KALRN: variants seen among roughly 807,000 people sequenced by gnomAD.
KALRN encodes the protein kalirin RhoGEF kinase.
Under a neutral mutation model 353.7 loss-of-function variants are expected in KALRN, and 70 were observed. The ratio of observed to expected loss-of-function variants is 0.20; its 90% CI spans 0.16 to 0.24. The LOEUF is 0.24. KALRN is among the 10% of genes least tolerant of loss of function. KALRN has a pLI of 1.00. For synonymous variants in KALRN, 1,391 were observed against 1,434.8 expected (o/e 0.97, Z 0.69); for missense variants, 2,791 against 3,756.7 (o/e 0.74, Z 6.72).
chr3:124,562,986 C>T lies in KALRN; in HGVS notation c.5079C>T (p.Thr1693=), dbSNP rs779618251. ...ERPGWCLVRT[T]ERSPPLEGLV... is the part of the protein sequence containing the mutation. ...CTGGTTGGTGTCTGGTCCGTACCAC[C>T]GAACGGAGCCCGCCCTTGGAGGGTC... The change falls in exon 34 of 60, where the codon ACC becomes ACT. Residue 1693 remains threonine (T), a synonymous_variant. Transcript: ENST00000682506. The T allele has an allele frequency of 3.9e-5, 53 of 1,367,788 alleles. No homozygotes were observed. Among genetic ancestry groups the T allele is most frequent in the East Asian group, 9.1e-5 (2 of 21,996 alleles). The allele number at this position is 1,367,788 out of a possible 1,614,324, so 84.7% of individuals were successfully genotyped here.
intron 3 of KALRN, among the ~76,000 whole-genome samples, chr3:124,242,398 A>C (rs2080576213): frequency 1.3e-5 from 2 of 152,238 alleles, no homozygotes; most frequent in South Asian, 4.1e-4. Context: ...CACAGTCAGT[A>C]TGATCTGGAG....
At chr3:124,226,504 A>G (rs2078521633) in intron 1 of KALRN, among the ~76,000 whole-genome samples, 1 of 152,216 alleles carries the variant, frequency 6.6e-6, no homozygotes, top group African/African-American at 2.4e-5. Context: ...AAAGACTTGC[A>G]GTCTTCATTT....
chr3:124,517,399 C>A (rs985113048), intron 33 of KALRN, among the ~76,000 whole-genome samples: 1 of 152,110 alleles, frequency 6.6e-6, no homozygotes, highest in Non-Finnish European at 1.5e-5. Context: ...CATTTCCATG[C>A]GGCAAGTGTG....
In KALRN at chr3:124,724,196, A is replaced by T. The variant is rs2063391905; in HGVS notation, c.*4726A>T. 6.6e-6 allele frequency: 1 copy of T among 152,180 alleles called. No homozygotes were observed. Among genetic ancestry groups the T allele is most frequent in the Non-Finnish European group, 1.5e-5 (1 of 68,024 alleles). The allele number at this position is 152,180 out of a possible 1,614,324, so 9.4% of individuals were successfully genotyped here. A position where few individuals can be genotyped will look rare whatever the true frequency, so the allele number is the denominator to read the frequency against. ...ATATGAGGGAGCAAATATGATATAA[A>T]CTAAATTTTGCATTAACTAAAACTT... On this transcript the variant is annotated 3_prime_UTR_variant, in exon 60 of 60. Coordinates refer to ENST00000682506, the MANE Select transcript of KALRN (RefSeq NM_001388419.1).
chr3:124,442,836 T>C (rs1685515100), intron 19 of KALRN, among the ~76,000 whole-genome samples: 1 of 151,934 alleles, frequency 6.6e-6, no homozygotes, highest in African/African-American at 2.4e-5. Context: ...AATTAAAAAA[T>C]TAGCCTGGTA....
At chr3:124,346,795 C>A (rs1325138309) in intron 9 of KALRN, among the ~76,000 whole-genome samples, 2 of 152,142 alleles carry the variant, frequency 1.3e-5, no homozygotes, top group Non-Finnish European at 2.9e-5. Flanking sequence ...TAATTTCCTG[C>A]CAATATCTTT....
intron 1 of KALRN, among the ~76,000 whole-genome samples, chr3:124,186,368 A>G (rs575885006): frequency 6.6e-6 from 1 of 152,336 alleles, no homozygotes; most frequent in South Asian, 2.1e-4. Flanking sequence ...GTTCCTCAGC[A>G]TTCCCAAATG....
At chr3:124,571,163 G>T (rs2073471831) in intron 34 of KALRN, among the ~76,000 whole-genome samples, 1 of 152,144 alleles carries the variant, frequency 6.6e-6, no homozygotes, top group Non-Finnish European at 1.5e-5. Flanking sequence ...AATACAATTT[G>T]CAGATAAAAT....
intron 5 of KALRN, among the ~76,000 whole-genome samples, chr3:124,287,819 ATAT>A (rs2076073087): frequency 2.2e-5 from 1 of 44,694 alleles, no homozygotes; most frequent in Admixed American, 2.2e-4. Flanking sequence ...ATATATATAT[ATAT>A]ATATGTATAT....
chr3:124,627,802 G>A (rs565102972), intron 34 of KALRN, among the ~76,000 whole-genome samples: 60 of 152,220 alleles, frequency 3.9e-4, no homozygotes, highest in African/African-American at 1.3e-3. Context: ...ACACACCCAA[G>A]ACCACAGCCA....
chr3:124,065,197 A>G (rs997597421), intron 1 of KALRN, among the ~76,000 whole-genome samples: 11 of 152,204 alleles, frequency 7.2e-5, no homozygotes, highest in African/African-American at 2.7e-4. Flanking sequence ...GCATAGAAGG[A>G]GCATATAGCA....
rs547004048 is a variant in KALRN, at chr3:124,534,389, G to T, written c.4936-28454G>T. ...GGCCAGTGGGGACGTGGGGGGCCAG[G>T]GGAGGGAGAGCATTAGGACAAATAG... On this transcript the variant is annotated intron_variant, in intron 33 of 59. Transcript: ENST00000682506. Among the ~76,000 whole-genome samples the T allele has an allele frequency of 2.6e-5, 4 of 152,286 alleles. No individual in the cohort carries two copies. In the South Asian group the frequency reaches 6.2e-4, roughly 24 times the overall value.
At chr3:124,477,122 A>G (rs2061500640) in intron 26 of KALRN, 123 bp from the exon 27 acceptor site, 2 of 588,520 alleles carry the variant, frequency 3.4e-6, no homozygotes, top group Non-Finnish European at 6.0e-6. Context: ...CATTTGCCAT[A>G]GAAAATCTAG....
At chr3:124,284,207 G>A (rs1268106470) in intron 5 of KALRN, among the ~76,000 whole-genome samples, 1 of 152,118 alleles carries the variant, frequency 6.6e-6, no homozygotes, top group African/African-American at 2.4e-5. Flanking sequence ...ATCTGGGAGG[G>A]TCTCAGTCTA....
chr3:124,204,584 G>A (rs1281203180), intron 1 of KALRN, among the ~76,000 whole-genome samples: 1 of 112,814 alleles, frequency 8.9e-6, no homozygotes, highest in South Asian at 3.8e-4. Context: ...GAAGTTAAAT[G>A]TTGTGTAGAT....
At chr3:124,601,389 C>G (rs1307290295) in intron 34 of KALRN, among the ~76,000 whole-genome samples, 1 of 152,182 alleles carries the variant, frequency 6.6e-6, no homozygotes, top group African/African-American at 2.4e-5. Context: ...GACTATTTCT[C>G]AAAGCTTTTA....
intron 21 of KALRN, among the ~76,000 whole-genome samples, chr3:124,454,041 G>A (rs1347237012): frequency 1.3e-5 from 2 of 152,076 alleles, no homozygotes; most frequent in African/African-American, 4.8e-5. Context: ...ACAAACTCTT[G>A]CTAAAAATGA....
At chr3:124,136,894 A>C (rs185187860) in intron 1 of KALRN, among the ~76,000 whole-genome samples, 3 of 152,242 alleles carry the variant, frequency 2.0e-5, no homozygotes, top group Admixed American at 6.5e-5. Flanking sequence ...GAAATTATGG[A>C]GGCACTAGTG....
At chr3:124,637,891 G>T (rs372901109) in intron 37 of KALRN, among the ~76,000 whole-genome samples, 4 of 152,196 alleles carry the variant, frequency 2.6e-5, no homozygotes, top group African/African-American at 9.7e-5. Flanking sequence ...CTGTCTCATG[G>T]ACCCATCAGC....
Sources: allele counts gnomAD v4.1 joint callset (sites outside exome capture counted in the v4.1 genomes callset), GRCh38; gene constraint gnomAD v4.1.1; transcripts MANE v1.5; gene names NCBI Gene and HGNC (gene_info 2026-07-23, HGNC 2026-07-21).